Variants in RNF14 observed in about 807,000 individuals in gnomAD.
RNF14 encodes E3 ubiquitin-protein ligase RNF14.
RNF14 carries 26 observed loss-of-function variants against 52.6 expected under a neutral mutation model. The observed-to-expected ratio is 0.49, with a 90% CI of 0.36 to 0.69. The LOEUF (loss-of-function observed/expected upper bound fraction) is 0.69. Among genes scored for constraint, RNF14 ranks in the 30% least tolerant of loss-of-function variants. The probability of loss-of-function intolerance (pLI) is 0.00; values close to 1 mark genes in which losing one functional copy is unlikely to be tolerated. For missense variants in RNF14, 404 were observed against 560.4 expected, an observed-to-expected ratio of 0.72 and a Z score of 2.82; for synonymous variants, 194 against 202.0, an observed-to-expected ratio of 0.96 and a Z score of 0.34.
chr5:141,960,005 C>T (rs1561537878), intron 1 of RNF14, among the ~76,000 whole-genome samples: 2 of 152,224 alleles, frequency 1.3e-5, no homozygotes, highest in South Asian at 2.1e-4. Context: ...ATGCCTCATA[C>T]GCAAATGGCA....
intron 4 of RNF14, among the ~76,000 whole-genome samples, chr5:141,977,328 C>G (rs1754356714): frequency 6.6e-6 from 1 of 152,192 alleles, no homozygotes; most frequent in Non-Finnish European, 1.5e-5. Context: ...AGTACCTATG[C>G]AGGGTTTAGT....
At chr5:141,963,053 CAT>C (rs1463735745), upstream of RNF14, 3 of 152,294 alleles carry the variant, frequency 2.0e-5, no homozygotes, top group African/African-American at 4.8e-5. Flanking sequence ...CTCTCCCTGA[CAT>C]GTGTGTCACT....
At chr5:141,964,171 A>T (rs1753298373), upstream of RNF14, among the ~76,000 whole-genome samples, 1 of 152,132 alleles carries the variant, frequency 6.6e-6, no homozygotes, top group South Asian at 2.1e-4. Flanking sequence ...TCTTTATATA[A>T]CCCTGGGCTG....
chr5:141,955,791 G>C (rs267600464), upstream of RNF14: 42 of 1,613,712 alleles, frequency 2.6e-5, no homozygotes, highest in African/African-American at 4.8e-4. This position sits in a 1 kb window ranked among gnomAD's most constrained non-coding sequence, Gnocchi z 5.5. Flanking sequence ...ACAGGGCTCG[G>C]GTCTGTAAGG....
intron 5 of RNF14, among the ~76,000 whole-genome samples, chr5:141,979,128 GCTTATT>G (rs1754521729): frequency 6.6e-6 from 1 of 152,220 alleles, no homozygotes; most frequent in Non-Finnish European, 1.5e-5. Flanking sequence ...GGAATCACTA[GCTTATT>G]CTTGTGTGAG....
At chr5:141,955,546 T>A (rs369582355), upstream of RNF14, 3 of 1,614,120 alleles carry the variant, frequency 1.9e-6, no homozygotes, top group East Asian at 2.2e-5. This position sits in a 1 kb window ranked among gnomAD's most constrained non-coding sequence, Gnocchi z 5.5. Context: ...CTTCTGAATG[T>A]GTTTCTGGGG....
At chr5:141,977,574 ATAAT>A (rs1166777272) in intron 4 of RNF14, among the ~76,000 whole-genome samples, 2 of 152,228 alleles carry the variant, frequency 1.3e-5, no homozygotes, top group Non-Finnish European at 2.9e-5. Flanking sequence ...AAAATTCCAA[ATAAT>A]TTAATTTTGG....
In RNF14 at chr5:141,978,498, G is replaced by T. The variant is rs1754459144; in HGVS notation, c.502G>T (p.Asp168Tyr). The T allele has an allele frequency of 1.2e-6, 2 of 1,614,180 alleles. No individual in the cohort carries two copies. Among genetic ancestry groups the T allele is most frequent in the East Asian group, 4.5e-5 (2 of 44,892 alleles). ...TAQASPNTEL[D>Y]FGGAAGSDVD... ...TCAAGCTTCTCCCAACACAGAGCTA[G>T]ATTTTGGAGGAGCTGCTGGATCTGA... is the stretch of plus-strand genomic sequence containing the variant. Residue 168 changes from aspartate (D) to tyrosine (Y), a missense_variant, in exon 5 of 9, where the codon GAT becomes TAT. By Grantham distance (160) the Asp-to-Tyr change is radical. Transcript: ENST00000394520.
At chr5:141,980,007 A>G (rs1211992099) in intron 5 of RNF14, 116 bp from the exon 6 acceptor site, 2 of 777,600 alleles carry the variant, frequency 2.6e-6, no homozygotes, top group East Asian at 4.9e-5. Context: ...TTTGAAGTGA[A>G]AGAGAGGTTT....
chr5:141,949,340 T>C, the RNF14 span: 1 of 1,491,622 alleles, frequency 6.7e-7, no homozygotes. Context: ...AGAAACAGAA[T>C]GGCTTTTCCC....
At position 141,988,915 on chromosome 5, in the gene RNF14, G is replaced by C. The variant is rs1208750168; in HGVS notation, c.*1125G>C. ...TGAATTGATACCTGTTCCTTTTTCT[G>C]GGTTTTGTTGGCTTTTTGAAAAATT... On this transcript the variant is annotated 3_prime_UTR_variant, in exon 9 of 9. Coordinates refer to ENST00000394520, the MANE Select transcript of RNF14 (RefSeq NM_004290.5). The C allele has an allele frequency of 6.6e-6, 1 of 152,202 alleles. No homozygotes were observed. The highest frequency in any genetic ancestry group is 1.5e-5 in the Non-Finnish European group (1 of 68,004). The allele number at this position is 152,202 out of a possible 1,614,324, so 9.4% of individuals were successfully genotyped here. A position where few individuals can be genotyped will look rare whatever the true frequency, so the allele number is the denominator to read the frequency against.
At chr5:141,980,058 A>G (rs960660342) in intron 5 of RNF14, 65 bp from the exon 6 acceptor site, 5 of 1,307,682 alleles carry the variant, frequency 3.8e-6, no homozygotes, top group Non-Finnish European at 5.5e-6. Flanking sequence ...CATCCTAAGA[A>G]TCGCCTCAGG....
intron 8 of RNF14, among the ~76,000 whole-genome samples, chr5:141,986,085 C>T (rs1017245689): frequency 2.0e-5 from 3 of 152,204 alleles, no homozygotes; most frequent in Middle Eastern, 3.2e-3. Context: ...TGATGTCCCT[C>T]ATTAGTGTGG....
chr5:141,987,735 T>C lies in RNF14; in HGVS notation c.1370T>C (p.Leu457Pro). ...TGTACCTTTTTTAATGCTTCCAGGC[T>C]GTTTTATGCTGTGGATGTTGACGAC... The part of the protein sequence containing the change: ...NDPGSPCFNR[L>P]FYAVDVDDDI... Residue 457 changes from leucine to proline, a missense_variant and splice_region_variant, in exon 9 of 9, where the codon CTG becomes CCG. Physicochemically the swap from Leu to Pro is moderately conservative, Grantham distance 98 (BLOSUM62 -3). Transcript: ENST00000394520. 6.2e-7 allele frequency: 1 copy of C among 1,614,010 alleles called. No homozygotes were observed. The highest frequency in any genetic ancestry group is 8.5e-7 in the Non-Finnish European group (1 of 1,179,926).
chr5:141,957,433 T>C (rs753657439), upstream of RNF14: 29 of 1,612,538 alleles, frequency 1.8e-5, no homozygotes, highest in East Asian at 6.5e-4. The surrounding 1 kb of genome is among the most constrained non-coding windows in gnomAD (Gnocchi z 4.3). Flanking sequence ...TTCCAGCTCC[T>C]GCTCGCCTTT....
In RNF14 at chr5:141,970,808, A is replaced by G. The variant is rs1005404695; in HGVS notation, c.-76A>G. On this transcript the variant is annotated 5_prime_UTR_variant, in exon 2 of 9. The change abolishes an upstream ATG in the 5' untranslated region. Transcript: ENST00000394520. ...CAGTTAGAGAATAAATGGGATTTGC[A>G]TGAACTCCACTCTGAGCTGAAATAC... is the stretch of plus-strand genomic sequence containing the variant. 6.6e-6 allele frequency: 1 copy of G among 152,350 alleles called. No homozygotes were observed. The highest frequency in any genetic ancestry group is 2.4e-5 in the African/African-American group (1 of 41,450). 9.4% of individuals were successfully genotyped at this position (152,350 alleles called of 1,614,324 possible).
At chr5:141,968,819 C>G (rs1596657993), upstream of RNF14, 1 of 152,270 alleles carries the variant, frequency 6.6e-6, no homozygotes, top group Non-Finnish European at 1.5e-5. Flanking sequence ...AGAAGCAGGT[C>G]TGGGATTGTT....
At chr5:141,965,564 A>G (rs1206906018), upstream of RNF14, among the ~76,000 whole-genome samples, 1 of 152,152 alleles carries the variant, frequency 6.6e-6, no homozygotes, top group Non-Finnish European at 1.5e-5. Flanking sequence ...CTCTCTGTGA[A>G]TTTGTTACAA....
chr5:141,963,798 G>T (rs566982823), upstream of RNF14, among the ~76,000 whole-genome samples: 1 of 152,090 alleles, frequency 6.6e-6, no homozygotes, highest in Non-Finnish European at 1.5e-5. Context: ...CCTTGCTTCA[G>T]AAAGGCTCTT....
Sources: gnomAD v4.1 joint callset for allele counts (sites outside exome capture counted in the v4.1 genomes callset) on GRCh38, gnomAD v4.1.1 for gene constraint, Gnocchi (gnomAD v3.1) non-coding constraint, MANE v1.5 for transcripts, NCBI Gene and HGNC (gene_info 2026-07-23, HGNC 2026-07-21) for gene names.